Variants in CACNA2D3 observed in about 807,000 individuals in gnomAD.
CACNA2D3 encodes the protein voltage-dependent calcium channel subunit alpha-2/delta-3.
A neutral mutation model predicts 160.6 loss-of-function variants in CACNA2D3; 60 were observed. The ratio of observed to expected loss-of-function variants is 0.37; its 90% CI spans 0.30 to 0.46. The LOEUF is 0.46. CACNA2D3 is among the 20% of genes least tolerant of loss of function. The pLI, the probability that CACNA2D3 is intolerant of heterozygous loss-of-function variation, is 1.00. For synonymous variants in CACNA2D3, 558 were observed against 492.9 expected (o/e 1.13, Z -1.75); for missense variants, 1,205 against 1,365.0 (o/e 0.88, Z 1.85).
At chr3:54,569,478 G>T (rs914474022) in intron 6 of CACNA2D3, among the ~76,000 whole-genome samples, 3 of 152,188 alleles carry the variant, frequency 2.0e-5, no homozygotes, top group African/African-American at 7.2e-5. Flanking sequence ...AGTAAGAAAT[G>T]ACTTCGGCTA....
chr3:54,281,558 C>T (rs1470079450), intron 2 of CACNA2D3, among the ~76,000 whole-genome samples: 3 of 152,082 alleles, frequency 2.0e-5, no homozygotes, highest in East Asian at 1.9e-4. Context: ...AACTGCTGAG[C>T]GAGAGCTGTG....
At chr3:54,925,190 C>T in intron 27 of CACNA2D3, 2 of 1,612,988 alleles carry the variant, frequency 1.2e-6, no homozygotes, top group South Asian at 1.1e-5. Flanking sequence ...GCAGGACAAT[C>T]ACACTGGAAA....
intron 11 of CACNA2D3, among the ~76,000 whole-genome samples, chr3:54,677,752 C>T (rs1047594853): frequency 4.6e-5 from 7 of 151,878 alleles, no homozygotes; most frequent in Non-Finnish European, 2.9e-5. Flanking sequence ...ATAGTCAAGT[C>T]TCTGAACCAA....
chr3:54,457,562 C>T (rs973325809), intron 4 of CACNA2D3, among the ~76,000 whole-genome samples: 2 of 151,880 alleles, frequency 1.3e-5, no homozygotes, highest in Non-Finnish European at 2.9e-5. Context: ...TGTAAATGTC[C>T]ATAGGTGTGT....
intron 4 of CACNA2D3, among the ~76,000 whole-genome samples, chr3:54,468,561 A>G (rs1700670720): frequency 6.6e-6 from 1 of 152,134 alleles, no homozygotes; most frequent in Admixed American, 6.6e-5. Flanking sequence ...TGGCGCCTGG[A>G]ATGCCAGCAA....
chr3:54,319,197 CACA>C (rs1559448346), intron 2 of CACNA2D3, among the ~76,000 whole-genome samples: 14 of 147,368 alleles, frequency 9.5e-5, no homozygotes, highest in African/African-American at 3.2e-4. Flanking sequence ...CACACACACA[CACA>C]CCCTTCCTCG....
intron 4 of CACNA2D3, among the ~76,000 whole-genome samples, chr3:54,393,115 G>T (rs2106678600): frequency 1.3e-5 from 2 of 152,340 alleles, no homozygotes; most frequent in Admixed American, 1.3e-4. Context: ...GAAGCGCCTT[G>T]CTTCTGCTAC....
At chr3:54,614,761 G>GC (rs1698814456) in intron 9 of CACNA2D3, among the ~76,000 whole-genome samples, 1 of 152,166 alleles carries the variant, frequency 6.6e-6, no homozygotes, top group Non-Finnish European at 1.5e-5. Flanking sequence ...ATAGCAGGAA[G>GC]CTATCAACTA....
chr3:54,989,587 G>C (rs930504764), intron 31 of CACNA2D3, among the ~76,000 whole-genome samples: 5 of 152,152 alleles, frequency 3.3e-5, no homozygotes, highest in Admixed American at 2.6e-4. Flanking sequence ...GCTTGATTTA[G>C]TCAGATTACC....
At chr3:54,717,849 G>T (rs1701090435) in intron 11 of CACNA2D3, among the ~76,000 whole-genome samples, 1 of 148,308 alleles carries the variant, frequency 6.7e-6, no homozygotes, top group Non-Finnish European at 1.5e-5. Context: ...GAGTGTGTGT[G>T]TGGTGTATGT....
At chr3:54,853,844 C>T (rs1023142363) in intron 17 of CACNA2D3, among the ~76,000 whole-genome samples, 2 of 152,262 alleles carry the variant, frequency 1.3e-5, no homozygotes. Flanking sequence ...CAGGACCATG[C>T]ATTCTGCCGG....
At chr3:54,484,562 A>C (rs1700985325) in intron 4 of CACNA2D3, among the ~76,000 whole-genome samples, 1 of 152,198 alleles carries the variant, frequency 6.6e-6, no homozygotes, top group South Asian at 2.1e-4. Flanking sequence ...ATCCTGTGAG[A>C]AACGTGAGAG....
chr3:54,633,299 C>A (rs1699287551), intron 10 of CACNA2D3, among the ~76,000 whole-genome samples: 1 of 152,112 alleles, frequency 6.6e-6, no homozygotes, highest in South Asian at 2.1e-4. Context: ...GATTCAAATC[C>A]CAGCTATGTC....
rs150029283 is a variant in CACNA2D3 at position 54,810,102 on chromosome 3, A to T, written c.1381-6751A>T. On this transcript the variant is annotated intron_variant, in intron 13 of 37. Transcript: ENST00000474759. ...AATCAGTGAGGCAGGGAAGTGGGGTAGTCAGAGAATTGACGTGAAGTTGTC... is the reference window on the plus strand; with the variant it reads ...AATCAGTGAGGCAGGGAAGTGGGGTTGTCAGAGAATTGACGTGAAGTTGTC... Among the ~76,000 whole-genome samples, 12 of 152,332 alleles carry T rather than the reference A, an allele frequency of 7.9e-5. No homozygotes were observed. In the East Asian group the frequency reaches 2.1e-3, roughly 27 times the overall value.
chr3:54,913,255 G>T (rs140602330), intron 27 of CACNA2D3, among the ~76,000 whole-genome samples: 1 of 152,160 alleles, frequency 6.6e-6, no homozygotes, highest in East Asian at 1.9e-4. Context: ...ATTAATTTTT[G>T]CATTTTTTGT....
Position 55,073,863 on chromosome 3 carries a change from A to T in CACNA2D3, c.3183+4A>T. On this transcript the variant is annotated splice_donor_region_variant and intron_variant, in intron 37 of 37. Transcript: ENST00000474759. ...TTGTCATGGCTTCCATCCTGAGGTA[A>T]GTCTGAGAACTGTTCCTGTTTCCTT... The T allele has an allele frequency of 6.2e-7, 1 of 1,611,778 alleles. No homozygotes were observed. Among genetic ancestry groups the T allele is most frequent in the Non-Finnish European group, 8.5e-7 (1 of 1,178,040 alleles).
intron 35 of CACNA2D3, among the ~76,000 whole-genome samples, chr3:55,033,724 T>TAAATATAGTTTATAAATATATA (rs1703732620): frequency 9.9e-6 from 1 of 100,796 alleles, no homozygotes; most frequent in Non-Finnish European, 2.0e-5. Flanking sequence ...TATTATATAT[T>TAAATATAGTTTATAAATATATA]AAATATATTT....
At chr3:54,367,041 G>C (rs966076202) in intron 3 of CACNA2D3, among the ~76,000 whole-genome samples, 11 of 152,224 alleles carry the variant, frequency 7.2e-5, no homozygotes, top group Non-Finnish European at 1.6e-4. Flanking sequence ...GGTGGAAGTT[G>C]TTAGGAGTGA....
intron 11 of CACNA2D3, among the ~76,000 whole-genome samples, chr3:54,685,961 G>C (rs1044321339): frequency 2.6e-5 from 4 of 152,198 alleles, no homozygotes; most frequent in Admixed American, 2.0e-4. Flanking sequence ...CCCTATTCCT[G>C]CACCTGCCCT....
Sources: allele counts gnomAD v4.1 joint callset (sites outside exome capture counted in the v4.1 genomes callset), GRCh38; gene constraint gnomAD v4.1.1; transcripts MANE v1.5; gene names NCBI Gene and HGNC (gene_info 2026-07-23, HGNC 2026-07-21).